RNF183: variants seen among roughly 807,000 people sequenced by gnomAD.
RNF183 encodes E3 ubiquitin-protein ligase RNF183.
A neutral mutation model predicts 9.0 loss-of-function variants in RNF183; 4 were observed. The observed-to-expected ratio is 0.44, with a 90% CI of 0.22 to 1.01. The LOEUF (loss-of-function observed/expected upper bound fraction) is 1.01. Ranked by LOEUF, RNF183 falls within the 50% of genes least tolerant of loss-of-function variation. The pLI is 0.25. For missense variants in RNF183, 227 were observed against 253.6 expected, an observed-to-expected ratio of 0.89 and a Z score of 0.71; for synonymous variants, 102 against 107.5, an observed-to-expected ratio of 0.95 and a Z score of 0.32.
chr9:113,301,410 G>A (rs748515228), intron 3 of RNF183, among the ~76,000 whole-genome samples: 1 of 152,172 alleles, frequency 6.6e-6, no homozygotes, highest in East Asian at 1.9e-4. Flanking sequence ...TGATAATTGC[G>A]TGTGTCTTTC....
In RNF183 at chr9:113,303,318, G is replaced by A. The variant is rs1297742770; in HGVS notation, c.-703C>T. 6.5e-6 allele frequency: 1 copy of A among 152,862 alleles called. No individual in the cohort carries two copies. The highest frequency in any genetic ancestry group is 1.5e-5 in the Non-Finnish European group (1 of 68,502). The allele number at this position is 152,862 out of a possible 1,614,324, so 9.5% of individuals were successfully genotyped here. A position where few individuals can be genotyped will look rare whatever the true frequency, so the allele number is the denominator to read the frequency against. ...CTGGCTTTTTCTCTGAGGGGATCAA[G>A]TGCGCTCATCCTTGCAGGCCTCTGT... is the stretch of plus-strand genomic sequence containing the variant. On this transcript the variant is annotated 5_prime_UTR_variant, in exon 1 of 5. Transcript: ENST00000489339.
rs371236275 is a variant in RNF183, at chr9:113,298,211, C to T, written c.-27G>A. ...CTCAGCCACACACGGGGAGGCTTCG[C>T]GGGAGACGTCCTGGCAGAAGGGGGA... is the stretch of plus-strand genomic sequence containing the variant. On this transcript the variant is annotated 5_prime_UTR_variant, in exon 5 of 5. Transcript: ENST00000489339. The surrounding 1 kb of genome is among the most constrained non-coding windows in gnomAD (Gnocchi z 4.9). 79 of 1,569,198 alleles carry T rather than the reference C, an allele frequency of 5.0e-5. 1 individual carries two copies. The South Asian group carries it at 6.0e-4, about 12-fold the overall frequency.
rs1039322805 is a variant in RNF183 at position 113,303,051 on chromosome 9, C to T, written c.-441+5G>A. 1 of 152,782 alleles carries T rather than the reference C, an allele frequency of 6.5e-6. No individual in the cohort carries two copies. Among genetic ancestry groups the T allele is most frequent in the Non-Finnish European group, 1.5e-5 (1 of 68,504 alleles). 9.5% of individuals were successfully genotyped at this position (152,782 alleles called of 1,614,324 possible). A position where few individuals can be genotyped will look rare whatever the true frequency, so the allele number is the denominator to read the frequency against. Reference sequence around the variant, plus strand: ...GTCCCTCCGCGACCCTCTCTGTCTCCTTACCTGCTCCCTCGGAGCCGCCTC... The same window carrying T: ...GTCCCTCCGCGACCCTCTCTGTCTCTTTACCTGCTCCCTCGGAGCCGCCTC... On this transcript the variant is annotated splice_donor_5th_base_variant and intron_variant, in intron 1 of 4. Transcript: ENST00000489339.
chr9:113,300,419 A>G (rs1238772463), intron 3 of RNF183, among the ~76,000 whole-genome samples: 1 of 152,228 alleles, frequency 6.6e-6, no homozygotes, highest in African/African-American at 2.4e-5. Flanking sequence ...AGGCAAAAAG[A>G]CATTTAATGA....
rs1738686791 is a variant in RNF183 at position 113,298,536 on chromosome 9, G to C, written c.-37-315C>G. On this transcript the variant is annotated intron_variant, in intron 4 of 4. Transcript: ENST00000489339. The surrounding 1 kb of genome is among the most constrained non-coding windows in gnomAD (Gnocchi z 4.9). ...CCTTATGGTCATTGTCTGTGCCCTT[G>C]GCTGCCCTGAATCCAGGGAGCTGGG... 1 of 263,472 alleles carries C rather than the reference G, an allele frequency of 3.8e-6. No homozygotes were observed. The highest frequency in any genetic ancestry group is 7.6e-5 in the South Asian group (1 of 13,100). The allele number at this position is 263,472 out of a possible 1,614,324, so 16.3% of individuals were successfully genotyped here. A position where few individuals can be genotyped will look rare whatever the true frequency, so the allele number is the denominator to read the frequency against.
chr9:113,298,143 G>A lies in RNF183; in HGVS notation c.42C>T (p.Pro14=), dbSNP rs370421721. 7.6e-5 allele frequency: 123 copies of A among 1,613,826 alleles called. No individual in the cohort carries two copies. The East Asian group carries it at 2.1e-3, about 27-fold the overall frequency. ...QQGRELEAEC[P]VCWNPFNNTF... ...TGTTGTTGAAGGGGTTCCAGCAGAC[G>A]GGGCACTCAGCCTCAAGCTCCCGGC... The change falls in exon 5 of 5, where the codon CCC becomes CCT. Residue 14 remains proline (P), a synonymous_variant. Coordinates refer to ENST00000489339, the MANE Select transcript of RNF183 (RefSeq NM_001371237.1). This position sits in a 1 kb window ranked among gnomAD's most constrained non-coding sequence, Gnocchi z 4.9.
At position 113,297,984 on chromosome 9, in the gene RNF183, T is replaced by G; in HGVS notation, c.201A>C (p.Ser67=). ...PLCRQPTVLA[S]GQPVTDLPTD... is the part of the protein sequence containing the mutation. ...TGGGCAAGTCAGTGACAGGCTGCCCTGAGGCCAGCACTGTGGGCTGGCGAC... is the reference window on the plus strand; with the variant it reads ...TGGGCAAGTCAGTGACAGGCTGCCCGGAGGCCAGCACTGTGGGCTGGCGAC... The change falls in exon 5 of 5, where the codon TCA becomes TCC. Residue 67 remains serine (S), a synonymous_variant. Transcript: ENST00000489339. 1 of 1,613,890 alleles carries G rather than the reference T, an allele frequency of 6.2e-7. No individual in the cohort carries two copies. Among genetic ancestry groups the G allele is most frequent in the Non-Finnish European group, 8.5e-7 (1 of 1,179,964 alleles).
At chr9:113,301,912 A>G (rs1006491032) in intron 2 of RNF183, 161 bp from the exon 3 acceptor site, 1 of 152,184 alleles carries the variant, frequency 6.6e-6, no homozygotes, top group African/African-American at 2.4e-5. Context: ...TGGTAAAACT[A>G]TTAATATGGA....
At position 113,303,314 on chromosome 9, in the gene RNF183, T is replaced by C. The variant is rs1832978110; in HGVS notation, c.-699A>G. On this transcript the variant is annotated 5_prime_UTR_variant, in exon 1 of 5. Coordinates refer to ENST00000489339, the MANE Select transcript of RNF183 (RefSeq NM_001371237.1). ...CACTCTGGCTTTTTCTCTGAGGGGA[T>C]CAAGTGCGCTCATCCTTGCAGGCCT... The C allele has an allele frequency of 6.5e-6, 1 of 152,854 alleles. No homozygotes were observed. The highest frequency in any genetic ancestry group is 2.1e-4 in the South Asian group (1 of 4,834). The allele number at this position is 152,854 out of a possible 1,614,324, so 9.5% of individuals were successfully genotyped here.
rs200957430 is a variant in RNF183 at position 113,298,006 on chromosome 9, C to T, written c.179G>A (p.Arg60His). The change falls in exon 5 of 5, where the codon CGC (arginine) becomes CAC (histidine). Residue 60 changes from arginine to histidine, a missense_variant. Arg to His is a conservative substitution (Grantham distance 29, BLOSUM62 0). Transcript: ENST00000489339. The surrounding 1 kb of genome is among the most constrained non-coding windows in gnomAD (Gnocchi z 4.9). ...CCCTGAGGCCAGCACTGTGGGCTGGCGACAGAGTGGGCACAGCAGGCGGCG... is the reference window on the plus strand; with the variant it reads ...CCCTGAGGCCAGCACTGTGGGCTGGTGACAGAGTGGGCACAGCAGGCGGCG... ...ARRRLLCPLC[R>H]QPTVLASGQP... is the part of the protein sequence containing the mutation. 1.4e-4 allele frequency: 225 copies of T among 1,613,754 alleles called. No individual in the cohort carries two copies. Among genetic ancestry groups the T allele is most frequent in the Admixed American group, 1.3e-3 (75 of 59,980 alleles).
Position 113,297,469 on chromosome 9 carries a change from G to T in RNF183, c.*137C>A. ...TTTTTTTTTAAAATTGTTCCCAGAA[G>T]CAAACACATGGCCTGAACAATCCCT... On this transcript the variant is annotated 3_prime_UTR_variant, in exon 5 of 5. Coordinates refer to ENST00000489339, the MANE Select transcript of RNF183 (RefSeq NM_001371237.1). The T allele has an allele frequency of 1.8e-6, 1 of 561,082 alleles. No homozygotes were observed. Among genetic ancestry groups the T allele is most frequent in the South Asian group, 4.3e-5 (1 of 23,256 alleles). The allele number at this position is 561,082 out of a possible 1,614,324, so 34.8% of individuals were successfully genotyped here. A position where few individuals can be genotyped will look rare whatever the true frequency, so the allele number is the denominator to read the frequency against.
At chr9:113,302,858 G>C (rs1183799130) in intron 1 of RNF183, among the ~76,000 whole-genome samples, 198 bp downstream of exon 1, 5 of 152,198 alleles carry the variant, frequency 3.3e-5, no homozygotes, top group Admixed American at 2.0e-4. Flanking sequence ...CCATTTTCTA[G>C]ATGGGGAAGC....
rs181617288 is a variant in RNF183 at position 113,297,791 on chromosome 9, G to C, written c.394C>G (p.Pro132Ala). The change falls in exon 5 of 5, where the codon CCA becomes GCA. Residue 132 changes from proline (P) to alanine (A), a missense_variant. Pro to Ala is a conservative substitution (Grantham distance 27). Coordinates refer to ENST00000489339, the MANE Select transcript of RNF183 (RefSeq NM_001371237.1). ...PQPGGQTGPP[P>A]DTASATVSTP... ...GACACGGTGGCAGAGGCCGTGTCTG[G>C]GGGCGGCCCAGTCTGGCCCCCAGGC... 348 of 1,612,322 alleles carry C rather than the reference G, an allele frequency of 2.2e-4. No individual in the cohort carries two copies. Among genetic ancestry groups the C allele is most frequent in the Non-Finnish European group, 2.6e-4 (301 of 1,178,956 alleles).
chr9:113,302,149 A>G (rs1374319049), intron 2 of RNF183, 46 bp downstream of exon 2: 4 of 149,612 alleles, frequency 2.7e-5, no homozygotes, highest in African/African-American at 9.9e-5. Context: ...GTAAGCTTGT[A>G]TTACTACACG....
At chr9:113,302,491 C>T (rs1410541540) in intron 1 of RNF183, among the ~76,000 whole-genome samples, 178 bp from the exon 2 acceptor site, 1 of 152,210 alleles carries the variant, frequency 6.6e-6, no homozygotes, top group Admixed American at 6.5e-5. Context: ...ATTTCCATAG[C>T]ACTTCACAGT....
rs1026331750 is a variant in RNF183, at chr9:113,297,533, C to T, written c.*73G>A. ...AACAACACTACAAAGGAAGACAATACCAAATGAGGCTCCGTAGTCACCATA... is the reference window on the plus strand; with the variant it reads ...AACAACACTACAAAGGAAGACAATATCAAATGAGGCTCCGTAGTCACCATA... On this transcript the variant is annotated 3_prime_UTR_variant, in exon 5 of 5. Transcript: ENST00000489339. 1.1e-5 allele frequency: 11 copies of T among 989,570 alleles called. No individual in the cohort carries two copies. The highest frequency in any genetic ancestry group is 4.9e-5 in the East Asian group (2 of 40,942). The allele number at this position is 989,570 out of a possible 1,614,324, so 61.3% of individuals were successfully genotyped here.
Position 113,298,563 on chromosome 9 carries a change from G to A in RNF183, c.-37-342C>T. On this transcript the variant is annotated intron_variant, in intron 4 of 4. Coordinates refer to ENST00000489339, the MANE Select transcript of RNF183 (RefSeq NM_001371237.1). The surrounding 1 kb of genome is among the most constrained non-coding windows in gnomAD (Gnocchi z 4.9). ...CTGCCCTGAATCCAGGGAGCTGGGGGTAAGCTGCAGTCTGCGGGTTTTGCT... is the reference window on the plus strand; with the variant it reads ...CTGCCCTGAATCCAGGGAGCTGGGGATAAGCTGCAGTCTGCGGGTTTTGCT... 4.4e-6 allele frequency: 1 copy of A among 226,324 alleles called. No homozygotes were observed. The allele number at this position is 226,324 out of a possible 1,614,324, so 14.0% of individuals were successfully genotyped here.
At position 113,297,595 on chromosome 9, in the gene RNF183, G is replaced by T. The variant is rs1392107061; in HGVS notation, c.*11C>A. ...CCGAAAAAGGTTTGGTTTCTTGTCT[G>T]GGAACAGCACTCACCCCACACCCCA... On this transcript the variant is annotated 3_prime_UTR_variant, in exon 5 of 5. Coordinates refer to ENST00000489339, the MANE Select transcript of RNF183 (RefSeq NM_001371237.1). The T allele has an allele frequency of 6.4e-7, 1 of 1,550,938 alleles. No individual in the cohort carries two copies. The highest frequency in any genetic ancestry group is 1.2e-5 in the South Asian group (1 of 82,332).
Position 113,298,058 on chromosome 9 carries a change from G to C in RNF183, c.127C>G (p.His43Asp). Residue 43 changes from histidine (H) to aspartate (D), a missense_variant, in exon 5 of 5, where the codon CAC becomes GAC. Coordinates refer to ENST00000489339, the MANE Select transcript of RNF183 (RefSeq NM_001371237.1). This position sits in a 1 kb window ranked among gnomAD's most constrained non-coding sequence, Gnocchi z 4.9. The part of the protein sequence containing the change: ...CHSFCVECLA[H>D]LSLVTPARRR... ...CGGGCTGGAGTCACAAGGCTGAGGT[G>C]GGCCAGACATTCCACGCAGAAGGAG... The C allele has an allele frequency of 6.2e-7, 1 of 1,614,054 alleles. No homozygotes were observed. The highest frequency in any genetic ancestry group is 8.5e-7 in the Non-Finnish European group (1 of 1,180,016).
Sources: allele counts gnomAD v4.1 joint callset (sites outside exome capture counted in the v4.1 genomes callset), GRCh38; gene constraint gnomAD v4.1.1; non-coding constraint Gnocchi (gnomAD v3.1); transcripts MANE v1.5; gene names NCBI Gene and HGNC (gene_info 2026-07-23, HGNC 2026-07-21).